The following CCDC80 variants were observed in gnomAD, a reference collection of about 807,000 sequenced individuals.
CCDC80 encodes the protein coiled-coil domain containing 80, also known as coiled-coil domain-containing protein 80.
Under a neutral mutation model 78.7 loss-of-function variants are expected in CCDC80, and 49 were observed. The observed-to-expected ratio is 0.62, with a 90% CI of 0.50 to 0.79. The LOEUF (loss-of-function observed/expected upper bound fraction) is 0.79. CCDC80 is among the 30% of genes least tolerant of loss of function. CCDC80 has a pLI of 0.00. For missense variants in CCDC80, 1,205 were observed against 1,198.6 expected (o/e 1.01, Z -0.08); for synonymous variants, 488 against 447.0 (o/e 1.09, Z -1.16).
intron 2 of CCDC80, among the ~76,000 whole-genome samples, chr3:112,632,954 A>C (rs547698979): frequency 1.3e-5 from 2 of 152,176 alleles, no homozygotes; most frequent in Non-Finnish European, 2.9e-5. Flanking sequence ...TCTTGGGCAG[A>C]GAGGCATAGA....
At chr3:112,628,702 TC>T (rs1169762142) in intron 3 of CCDC80, among the ~76,000 whole-genome samples, 2 of 152,192 alleles carry the variant, frequency 1.3e-5, no homozygotes, top group African/African-American at 2.4e-5. Flanking sequence ...TTAAGAAAAT[TC>T]CTTTTTTGCT....
At chr3:112,635,967 CT>C (rs950785664) in intron 2 of CCDC80, among the ~76,000 whole-genome samples, 2 of 152,156 alleles carry the variant, frequency 1.3e-5, no homozygotes, top group African/African-American at 2.4e-5. Flanking sequence ...TGAAAACCCC[CT>C]TTTTTGACTC....
intron 2 of CCDC80, among the ~76,000 whole-genome samples, chr3:112,636,279 C>A (rs1376261167): frequency 2.6e-5 from 4 of 152,114 alleles, no homozygotes; most frequent in African/African-American, 9.7e-5. Flanking sequence ...AATCTGATTT[C>A]TTTTTTGTTC....
chr3:112,609,260 A>ATT (rs1461289755), intron 6 of CCDC80, among the ~76,000 whole-genome samples: 1 of 152,190 alleles, frequency 6.6e-6, no homozygotes, highest in Non-Finnish European at 1.5e-5. Flanking sequence ...CTATATATCC[A>ATT]TATCCAAAAT....
intron 3 of CCDC80, among the ~76,000 whole-genome samples, chr3:112,621,831 G>GAT (rs1935874409): frequency 6.6e-6 from 1 of 152,188 alleles, no homozygotes; most frequent in East Asian, 1.9e-4. Context: ...AGAGGGGATA[G>GAT]ATATAAAAGC....
intron 3 of CCDC80, among the ~76,000 whole-genome samples, chr3:112,628,241 A>C (rs1936020289): frequency 6.6e-6 from 1 of 152,178 alleles, no homozygotes; most frequent in African/African-American, 2.4e-5. Context: ...AAATGGTTGA[A>C]TCCTAGTTAG....
intron 3 of CCDC80, among the ~76,000 whole-genome samples, chr3:112,626,823 C>T (rs980971416): frequency 1.3e-5 from 2 of 152,198 alleles, no homozygotes; most frequent in African/African-American, 4.8e-5. Context: ...ATTGGGATTA[C>T]AAGCATGAGC....
At position 112,601,115 on chromosome 3, in the gene CCDC80, T is replaced by C. The variant is rs917151079; in HGVS notation, c.*4302A>G. 1.3e-5 allele frequency: 2 copies of C among 152,120 alleles called. 1 individual carries two copies. The highest frequency in any genetic ancestry group is 1.3e-4 in the Admixed American group (2 of 15,268). 9.4% of individuals were successfully genotyped at this position (152,120 alleles called of 1,614,324 possible). On this transcript the variant is annotated 3_prime_UTR_variant, in exon 8 of 8. Coordinates refer to ENST00000206423, the MANE Select transcript of CCDC80 (RefSeq NM_199511.3). ...TAAAGTCACTTGAGCTTTCTGGAGC[T>C]CAGTTACCTGTAAAACAAGGAAGAA...
intron 6 of CCDC80, 81 bp from the exon 7 acceptor site, chr3:112,607,337 T>C: frequency 1.0e-6 from 1 of 977,890 alleles, no homozygotes; most frequent in Non-Finnish European, 1.5e-6. Flanking sequence ...TATCTGACAA[T>C]TAAAAATCTC....
intron 3 of CCDC80, 132 bp downstream of exon 3, chr3:112,629,980 CT>C: frequency 2.6e-6 from 2 of 780,106 alleles, no homozygotes; most frequent in Non-Finnish European, 2.0e-6. Context: ...GCAAACTGAC[CT>C]GTGTTATCAC....
chr3:112,617,698 C>T (rs1210098720), intron 4 of CCDC80, among the ~76,000 whole-genome samples: 1 of 152,210 alleles, frequency 6.6e-6, no homozygotes, highest in Non-Finnish European at 1.5e-5. Flanking sequence ...ATAGCATAGA[C>T]AGCCTTTTTT....
Position 112,639,030 on chromosome 3 carries a change from C to T in CCDC80, c.876G>A (p.Ala292=), listed in dbSNP as rs144357398. The T allele has an allele frequency of 3.4e-4, 541 of 1,609,974 alleles. 1 individual carries two copies. The highest frequency in any genetic ancestry group is 8.5e-4 in the Admixed American group (51 of 59,926). Residue 292 remains alanine (A), a synonymous_variant, in exon 2 of 8, where the codon GCG becomes GCA. Transcript: ENST00000206423. ...KASGVEGQVV[A]EGNDGGGGAG... ...CTCCCCCTCCACCGTCATTCCCCTCCGCCACCACCTGGCCCTCTACACCAG... is the reference window on the plus strand; with the variant it reads ...CTCCCCCTCCACCGTCATTCCCCTCTGCCACCACCTGGCCCTCTACACCAG...
chr3:112,614,224 CATT>C lies in CCDC80; in HGVS notation c.2321+2483_2321+2485del, dbSNP rs1935688489. ...TACTGGGTTTATAAGCAAGATCAAA[CATT>C]ATTCAAAGCCCTCTTAAAAGTGATG... On this transcript the variant is annotated intron_variant, in intron 5 of 7. Coordinates refer to ENST00000206423, the MANE Select transcript of CCDC80 (RefSeq NM_199511.3). Among the ~76,000 whole-genome samples the C allele has an allele frequency of 3.3e-5, 5 of 152,156 alleles. 1 individual carries two copies. The highest frequency in any genetic ancestry group is 1.2e-4 in the African/African-American group (5 of 41,500).
chr3:112,633,806 G>A (rs1259073726), intron 2 of CCDC80, among the ~76,000 whole-genome samples: 1 of 152,178 alleles, frequency 6.6e-6, no homozygotes, highest in Non-Finnish European at 1.5e-5. Context: ...TAGTTGGGCT[G>A]TATTTCAGAC....
At position 112,597,633 on chromosome 3, in the gene CCDC80, A is replaced by G. The variant is rs1935303896; in HGVS notation, c.*7784T>C. The G allele has an allele frequency of 6.6e-6, 1 of 152,188 alleles. No homozygotes were observed. The highest frequency in any genetic ancestry group is 1.5e-5 in the Non-Finnish European group (1 of 68,038). The allele number at this position is 152,188 out of a possible 1,614,324, so 9.4% of individuals were successfully genotyped here. On this transcript the variant is annotated 3_prime_UTR_variant, in exon 8 of 8. Coordinates refer to ENST00000206423, the MANE Select transcript of CCDC80 (RefSeq NM_199511.3). ...ATGGGAGAGGTAAAAAATCTTCAGG[A>G]GAAACTGTGCCTGAACTGTGAGTAT...
chr3:112,599,382 GA>G lies in CCDC80; in HGVS notation c.*6034del, dbSNP rs1423073692. ...TTTACACAACTCAGAGAGAACTGAG[GA>G]AAGTAGTTAGCATGTTAACTGTGCC... On this transcript the variant is annotated 3_prime_UTR_variant, in exon 8 of 8. Transcript: ENST00000206423. 1.3e-5 allele frequency: 2 copies of G among 152,164 alleles called. No homozygotes were observed. The highest frequency in any genetic ancestry group is 1.9e-4 in the East Asian group (1 of 5,194). The allele number at this position is 152,164 out of a possible 1,614,324, so 9.4% of individuals were successfully genotyped here.
chr3:112,616,632 G>A, intron 5 of CCDC80, 78 bp downstream of exon 5: 3 of 1,518,428 alleles, frequency 2.0e-6, no homozygotes, highest in Non-Finnish European at 2.7e-6. Flanking sequence ...TGTGGGATCT[G>A]TGTTTCTTTG....
Position 112,628,881 on chromosome 3 carries a change from T to C in CCDC80, c.2035+1232A>G, listed in dbSNP as rs1454978992. ...AAAGTAGAGAATGCATAACTGATACTTTACCCTGAATCAGCTCTAGAGATC... is the reference window on the plus strand; with the variant it reads ...AAAGTAGAGAATGCATAACTGATACCTTACCCTGAATCAGCTCTAGAGATC... On this transcript the variant is annotated intron_variant, in intron 3 of 7. Coordinates refer to ENST00000206423, the MANE Select transcript of CCDC80 (RefSeq NM_199511.3). Among the ~76,000 whole-genome samples, 47 of 152,140 alleles carry C rather than the reference T, an allele frequency of 3.1e-4. 1 individual carries two copies.
rs539143022 is a variant in CCDC80, at chr3:112,640,192, A to C, written c.-12+135T>G. 1.1e-4 allele frequency: 45 copies of C among 420,020 alleles called. 1 individual carries two copies. The highest frequency in any genetic ancestry group is 6.3e-4 in the Middle Eastern group (1 of 1,594). 26.0% of individuals were successfully genotyped at this position (420,020 alleles called of 1,614,324 possible). A position where few individuals can be genotyped will look rare whatever the true frequency, so the allele number is the denominator to read the frequency against. ...CCAGTCAGCATGCTTGTACTGTTTCAACTAATGCTCTGGATGCTCCAAAGA... is the reference window on the plus strand; with the variant it reads ...CCAGTCAGCATGCTTGTACTGTTTCCACTAATGCTCTGGATGCTCCAAAGA... On this transcript the variant is annotated intron_variant, in intron 1 of 7. Coordinates refer to ENST00000206423, the MANE Select transcript of CCDC80 (RefSeq NM_199511.3).
Sources: allele counts gnomAD v4.1 joint callset (sites outside exome capture counted in the v4.1 genomes callset), GRCh38; gene constraint gnomAD v4.1.1; transcripts MANE v1.5; gene names NCBI Gene and HGNC (gene_info 2026-07-23, HGNC 2026-07-21).